The following DNAJC6 variants were observed in gnomAD, a reference collection of about 807,000 sequenced individuals.
The protein encoded by DNAJC6 is auxilin.
A neutral mutation model predicts 110.0 loss-of-function variants in DNAJC6; 34 were observed. The ratio of observed to expected loss-of-function variants is 0.31; its 90% confidence interval spans 0.24 to 0.41. The LOEUF (loss-of-function observed/expected upper bound fraction) is 0.41, where lower values mean the gene tolerates loss of function less well. Among genes scored for constraint, DNAJC6 ranks in the 10% least tolerant of loss-of-function variants. The probability of loss-of-function intolerance (pLI) is 1.00; values close to 1 mark genes in which losing one functional copy is unlikely to be tolerated. For synonymous variants in DNAJC6, 406 were observed against 437.2 expected, an observed-to-expected ratio of 0.93 and a Z score of 0.89; for missense variants, 1,031 against 1,207.8, an observed-to-expected ratio of 0.85 and a Z score of 2.17.
chr1:65,341,824 C>A (rs1394475797), intron 1 of DNAJC6, among the ~76,000 whole-genome samples: 1 of 152,072 alleles, frequency 6.6e-6, no homozygotes, highest in African/African-American at 2.4e-5. Flanking sequence ...CAAGAAGAGG[C>A]TGAATTAGGA....
chr1:65,343,054 T>A (rs1645404169), intron 1 of DNAJC6, among the ~76,000 whole-genome samples: 1 of 152,194 alleles, frequency 6.6e-6, no homozygotes, highest in African/African-American at 2.4e-5. Flanking sequence ...TTTCAAGCCT[T>A]TTGAGATCTG....
At position 65,309,602 on chromosome 1, in the gene DNAJC6, G is replaced by T; in HGVS notation, c.-144G>T. On this transcript the variant is annotated 5_prime_UTR_variant, in exon 1 of 19. Coordinates refer to ENST00000371069, the MANE Select transcript of DNAJC6 (RefSeq NM_001256864.2). Reference sequence around the variant, plus strand: ...CGCCCGGCGAAGCTTCTCTCCGGTGGCCGCTCCTTCTTTTCCCTCCTCTTT... The same window carrying T: ...CGCCCGGCGAAGCTTCTCTCCGGTGTCCGCTCCTTCTTTTCCCTCCTCTTT... 1 of 1,334,846 alleles carries T rather than the reference G, an allele frequency of 7.5e-7. No individual in the cohort carries two copies. 82.7% of individuals were successfully genotyped at this position (1,334,846 alleles called of 1,614,324 possible).
intron 1 of DNAJC6, among the ~76,000 whole-genome samples, chr1:65,282,254 A>T (rs940939424): frequency 2.2e-4 from 34 of 151,982 alleles, no homozygotes; most frequent in Middle Eastern, 3.2e-3. Context: ...TTTAGAAAAA[A>T]TTTTTTTCAA....
At chr1:65,411,009 G>A (rs1210774717) in intron 17 of DNAJC6, among the ~76,000 whole-genome samples, 1 of 152,126 alleles carries the variant, frequency 6.6e-6, no homozygotes, top group African/African-American at 2.4e-5. Context: ...ATTCAAACTC[G>A]CAAAGTCTAA....
intron 1 of DNAJC6, among the ~76,000 whole-genome samples, chr1:65,352,131 A>G (rs2101522258): frequency 6.6e-6 from 1 of 152,174 alleles, no homozygotes; most frequent in South Asian, 2.1e-4. Flanking sequence ...TATTTTTTTC[A>G]AAAAGTTAAG....
chr1:65,266,027 G>A (rs1016381507), intron 1 of DNAJC6, among the ~76,000 whole-genome samples: 1 of 152,250 alleles, frequency 6.6e-6, no homozygotes, highest in African/African-American at 2.4e-5. Flanking sequence ...TGGGCTCGGG[G>A]GCTTGGGTGC....
At chr1:65,265,537 T>C (rs1228665200) in intron 1 of DNAJC6, among the ~76,000 whole-genome samples, 1 of 152,116 alleles carries the variant, frequency 6.6e-6, no homozygotes, top group Admixed American at 6.5e-5. Flanking sequence ...ACTCTAATTC[T>C]GTTAGAGGGA....
At chr1:65,306,209 G>A (rs967056891), upstream of DNAJC6, among the ~76,000 whole-genome samples, 1 of 151,624 alleles carries the variant, frequency 6.6e-6, no homozygotes, top group African/African-American at 2.4e-5. Context: ...CACCACGCCT[G>A]GTTATTTTTT....
chr1:65,344,574 C>G (rs1393315873), intron 1 of DNAJC6, among the ~76,000 whole-genome samples: 1 of 152,120 alleles, frequency 6.6e-6, no homozygotes, highest in African/African-American at 2.4e-5. Context: ...AGAAATAGGT[C>G]TCAGGAAATT....
At chr1:65,408,492 C>G (rs1646097714) in intron 16 of DNAJC6, 149 bp from the exon 17 acceptor site, 1 of 831,208 alleles carries the variant, frequency 1.2e-6, no homozygotes, top group African/African-American at 1.7e-5. Flanking sequence ...GCAACAGTCT[C>G]TTACCCTACT....
At position 65,358,196 on chromosome 1, in the gene DNAJC6, A is replaced by C. The variant is rs905888058; in HGVS notation, c.194-6439A>C. On this transcript the variant is annotated intron_variant, in intron 1 of 18. Coordinates refer to ENST00000371069, the MANE Select transcript of DNAJC6 (RefSeq NM_001256864.2). ...TCAGTCTCAAAAAAAAAAAAAAAAA[A>C]AAAACAAAACCTAATGAATGTAACT... Among the ~76,000 whole-genome samples, 49 of 151,810 alleles carry C rather than the reference A, an allele frequency of 3.2e-4. 1 individual carries two copies. The highest frequency in any genetic ancestry group is 9.7e-4 in the East Asian group (5 of 5,178).
Position 65,406,145 on chromosome 1 carries a change from G to A in DNAJC6, c.2491+12G>A, listed in dbSNP as rs1344217070. On this transcript the variant is annotated intron_variant, in intron 16 of 18. Coordinates refer to ENST00000371069, the MANE Select transcript of DNAJC6 (RefSeq NM_001256864.2). Reference sequence around the variant, plus strand: ...ATCAAGTAATTTGGGTAAGGATAATGGTATGGGACCTAGCTATGGGGCAGC... The same window carrying A: ...ATCAAGTAATTTGGGTAAGGATAATAGTATGGGACCTAGCTATGGGGCAGC... 3 of 1,608,704 alleles carry A rather than the reference G, an allele frequency of 1.9e-6. No homozygotes were observed. The highest frequency in any genetic ancestry group is 2.2e-5 in the South Asian group (2 of 90,396).
intron 1 of DNAJC6, among the ~76,000 whole-genome samples, chr1:65,272,972 CT>C (rs1299012673): frequency 6.6e-6 from 1 of 152,092 alleles, no homozygotes; most frequent in Non-Finnish European, 1.5e-5. Flanking sequence ...CTCTTATGAT[CT>C]TTAAAATGTT....
Position 65,372,104 on chromosome 1 carries a change from G to A in DNAJC6, c.543+5908G>A, listed in dbSNP as rs534165381. On this transcript the variant is annotated intron_variant, in intron 4 of 18. Transcript: ENST00000371069. ...AGCCTATTGTGCTAAGAATAATTTAGCCAACTTTTAGCTGAGACTCATTAC... is the reference window on the plus strand; with the variant it reads ...AGCCTATTGTGCTAAGAATAATTTAACCAACTTTTAGCTGAGACTCATTAC... Among the ~76,000 whole-genome samples, 3 of 151,162 alleles carry A rather than the reference G, an allele frequency of 2.0e-5. No individual in the cohort carries two copies. In the East Asian group the frequency reaches 5.8e-4, roughly 29 times the overall value.
intron 4 of DNAJC6, among the ~76,000 whole-genome samples, chr1:65,366,783 C>G (rs1645650939): frequency 6.6e-6 from 1 of 152,166 alleles, no homozygotes; most frequent in Admixed American, 6.5e-5. Flanking sequence ...TTTCCCCTCT[C>G]AAGAACATCT....
intron 1 of DNAJC6, among the ~76,000 whole-genome samples, chr1:65,296,188 G>C (rs2101250607): frequency 6.6e-6 from 1 of 152,250 alleles, no homozygotes; most frequent in Middle Eastern, 3.4e-3. Context: ...ATAGCCAAAG[G>C]GAATTTTAAA....
At chr1:65,295,830 G>A (rs1281746125) in intron 1 of DNAJC6, among the ~76,000 whole-genome samples, 2 of 152,086 alleles carry the variant, frequency 1.3e-5, no homozygotes, top group African/African-American at 4.8e-5. Context: ...TCCTATCATT[G>A]CTTCCCATTG....
chr1:65,301,626 A>T (rs1432251252), intron 1 of DNAJC6, among the ~76,000 whole-genome samples: 1 of 152,118 alleles, frequency 6.6e-6, no homozygotes, highest in Admixed American at 6.5e-5. Context: ...TATTACAAAG[A>T]TACAAGGAAA....
chr1:65,391,771 G>A (rs1267833222), intron 11 of DNAJC6, among the ~76,000 whole-genome samples: 1 of 152,102 alleles, frequency 6.6e-6, no homozygotes, highest in African/African-American at 2.4e-5. Context: ...ACAGTAGCCT[G>A]TGAGTTAGGT....
Sources: gnomAD v4.1 joint callset for allele counts (sites outside exome capture counted in the v4.1 genomes callset) on GRCh38, gnomAD v4.1.1 for gene constraint, MANE v1.5 for transcripts, NCBI Gene and HGNC (gene_info 2026-07-23, HGNC 2026-07-21) for gene names.